Variants in ATAD3A observed in about 807,000 individuals in gnomAD.
ATAD3A encodes the protein ATPase family AAA domain-containing protein 3A.
Under a neutral mutation model 73.8 loss-of-function variants are expected in ATAD3A, and 46 were observed. The ratio of observed to expected loss-of-function variants is 0.62; its 90% CI spans 0.49 to 0.80. The LOEUF (loss-of-function observed/expected upper bound fraction) is 0.80, where lower values mean the gene tolerates loss of function less well. Among genes scored for constraint, ATAD3A ranks in the 30% least tolerant of loss-of-function variants. The pLI is 0.00. For missense variants in ATAD3A, 705 were observed against 838.0 expected, an observed-to-expected ratio of 0.84 and a Z score of 1.96; for synonymous variants, 319 against 350.0, an observed-to-expected ratio of 0.91 and a Z score of 0.99.
intron 14 of ATAD3A, 78 bp from the exon 15 acceptor site, chr1:1,529,145 G>C (rs1222248465): frequency 6.4e-7 from 1 of 1,571,680 alleles, no homozygotes; most frequent in African/African-American, 1.3e-5. Context: ...TGTCGGCCTC[G>C]CTGCCTGTCT....
rs1641568480 is a variant in ATAD3A at position 1,520,889 on chromosome 1, C to T, written c.750+272C>T. On this transcript the variant is annotated intron_variant, in intron 7 of 15. Transcript: ENST00000378756. This position sits in a 1 kb window ranked among gnomAD's most constrained non-coding sequence, Gnocchi z 4.0. ...GGTGTGGTGGCAGCCCCTGTGGTCC[C>T]ACTACTCAAGAGGCTGAGGTAGGAG... is the stretch of plus-strand genomic sequence containing the variant. Among the ~76,000 whole-genome samples, 1 of 152,052 alleles carries T rather than the reference C, an allele frequency of 6.6e-6. No individual in the cohort carries two copies. The highest frequency in any genetic ancestry group is 2.4e-5 in the African/African-American group (1 of 41,416).
intron 1 of ATAD3A, among the ~76,000 whole-genome samples, chr1:1,515,084 C>T (rs993988692): frequency 4.6e-5 from 7 of 151,964 alleles, no homozygotes; most frequent in African/African-American, 9.7e-5. Context: ...CATGTTGGCC[C>T]GGATGGAGAT....
intron 15 of ATAD3A, among the ~76,000 whole-genome samples, chr1:1,530,361 C>T (rs1641993274): frequency 6.6e-6 from 1 of 152,156 alleles, no homozygotes; most frequent in Non-Finnish European, 1.5e-5. Context: ...AGGCAAGACC[C>T]CATCTCTACA....
chr1:1,517,447 G>A (rs1240754152), intron 3 of ATAD3A, 35 bp downstream of exon 3: 13 of 1,458,086 alleles, frequency 8.9e-6, no homozygotes, highest in Admixed American at 2.2e-5. Flanking sequence ...GAGGCCGCCC[G>A]GCTGCGGGGA....
chr1:1,517,372 G>A lies in ATAD3A; in HGVS notation c.344G>A (p.Arg115Lys). Residue 115 changes from arginine to lysine, a missense_variant, in exon 3 of 16, where the codon AGG becomes AAG. Physicochemically the swap from Arg to Lys is conservative, Grantham distance 26 (BLOSUM62 2). Around this residue, in one of 5 missense-constraint regions of ATAD3A, gnomAD observed 125 missense variants for 170.6 expected, o/e 0.73. Coordinates refer to ENST00000378756, the MANE Select transcript of ATAD3A (RefSeq NM_001170535.3). ...CAGATCCGGGCGCAGGCTGAGGAGAGGAGGAAGACCCTGAGCGAGGAGACC... is the reference window on the plus strand; with the variant it reads ...CAGATCCGGGCGCAGGCTGAGGAGAAGAGGAAGACCCTGAGCGAGGAGACC... ...SEQIRAQAEE[R>K]RKTLSEETRQ... 4 of 1,534,250 alleles carry A rather than the reference G, an allele frequency of 2.6e-6. No individual in the cohort carries two copies. The highest frequency in any genetic ancestry group is 2.4e-5 in the South Asian group (2 of 82,422).
chr1:1,529,164 C>T (rs1284776996), intron 14 of ATAD3A, 59 bp from the exon 15 acceptor site: 2 of 1,591,298 alleles, frequency 1.3e-6, no homozygotes, highest in Admixed American at 1.8e-5. Context: ...CTTCCGGCCT[C>T]CACCTCGTGT....
chr1:1,527,576 C>A, intron 13 of ATAD3A, 119 bp from the exon 14 acceptor site: 1 of 1,330,860 alleles, frequency 7.5e-7, no homozygotes, highest in Non-Finnish European at 1.0e-6. Context: ...GGGCTGTGCC[C>A]GTGTCCTCGT....
chr1:1,528,137 A>G (rs1641915217), intron 14 of ATAD3A, among the ~76,000 whole-genome samples: 1 of 151,314 alleles, frequency 6.6e-6, no homozygotes, highest in Admixed American at 6.6e-5. Context: ...TTTTTTTTTA[A>G]TTTTTAGTAG....
intron 1 of ATAD3A, among the ~76,000 whole-genome samples, chr1:1,514,568 G>C (rs753207193): frequency 6.6e-6 from 1 of 152,204 alleles, no homozygotes; most frequent in African/African-American, 2.4e-5. Context: ...ATGCCCGTCA[G>C]CCCAGTTCGT....
Position 1,534,433 on chromosome 1 carries a change from T to A in ATAD3A, c.*361T>A. On this transcript the variant is annotated 3_prime_UTR_variant, in exon 16 of 16. Transcript: ENST00000378756. Reference sequence around the variant, plus strand: ...GGGGCAGCAGGAGCCAGGCAGGTGATGTCTTTGTTCTCGGCTCCCACAGCA... The same window carrying A: ...GGGGCAGCAGGAGCCAGGCAGGTGAAGTCTTTGTTCTCGGCTCCCACAGCA... 1 of 1,265,900 alleles carries A rather than the reference T, an allele frequency of 7.9e-7. No homozygotes were observed. The highest frequency in any genetic ancestry group is 1.0e-6 in the Non-Finnish European group (1 of 988,778). The allele number at this position is 1,265,900 out of a possible 1,614,324, so 78.4% of individuals were successfully genotyped here.
chr1:1,512,724 G>T, intron 1 of ATAD3A: 7 of 1,198,382 alleles, frequency 5.8e-6, no homozygotes, highest in Non-Finnish European at 7.5e-6. Flanking sequence ...GCGCTCATAG[G>T]TTACAGGGGT....
rs949137447 is a variant in ATAD3A, at chr1:1,518,239, GCACA to G, written c.444+475_444+478del. 1.9e-4 allele frequency among the ~76,000 whole-genome samples: 28 copies of G among 146,250 alleles called. No individual in the cohort carries two copies. In the East Asian group the frequency reaches 4.1e-3, roughly 21 times the overall value. ...ACAGACAGGTACGCACATACACCCC[GCACA>G]CACACACACAGATACGCACACACAC... On this transcript the variant is annotated intron_variant, in intron 4 of 15. Coordinates refer to ENST00000378756, the MANE Select transcript of ATAD3A (RefSeq NM_001170535.3).
rs1316121278 is a variant in ATAD3A at position 1,530,701 on chromosome 1, C to T, written c.1614+1370C>T. Among the ~76,000 whole-genome samples the T allele has an allele frequency of 4.1e-5, 5 of 120,890 alleles. 1 individual carries two copies. In the East Asian group the frequency reaches 7.6e-4, roughly 18 times the overall value. The allele number at this position is 120,890 out of a possible 152,430, so 79.3% of individuals were successfully genotyped here. On this transcript the variant is annotated intron_variant, in intron 15 of 15. Coordinates refer to ENST00000378756, the MANE Select transcript of ATAD3A (RefSeq NM_001170535.3). ...AAAATTAGCCGGGCGTAGTGGCGGG[C>T]GCCTGTAGTCCCAGCTACTTGGGAG...
chr1:1,524,989 G>A (rs1402159459), intron 11 of ATAD3A, among the ~76,000 whole-genome samples: 4 of 152,246 alleles, frequency 2.6e-5, no homozygotes, highest in South Asian at 2.1e-4. Flanking sequence ...TGGGGGTGAA[G>A]CCTGTGGGGC....
intron 7 of ATAD3A, among the ~76,000 whole-genome samples, chr1:1,521,125 G>A (rs1280140542): frequency 3.3e-5 from 5 of 151,266 alleles, no homozygotes; most frequent in African/African-American, 4.9e-5. Context: ...GTGAAACCCC[G>A]TCTCTACTAA....
At position 1,526,502 on chromosome 1, in the gene ATAD3A, C is replaced by T; in HGVS notation, c.1308C>T (p.Phe436=). 4 of 1,612,814 alleles carry T rather than the reference C, an allele frequency of 2.5e-6. No individual in the cohort carries two copies. The Admixed American group carries it at 5.0e-5, about 20-fold the overall frequency. Reference sequence around the variant, plus strand: ...ACCTCAGGGCCACACTGAACGCCTTCCTGTACCGCACGGGCCAGCACAGCA... The same window carrying T: ...ACCTCAGGGCCACACTGAACGCCTTTCTGTACCGCACGGGCCAGCACAGCA... ...SEDLRATLNA[F]LYRTGQHSNK... is the part of the protein sequence containing the mutation. The change falls in exon 13 of 16, where the codon TTC becomes TTT. Residue 436 remains phenylalanine, a synonymous_variant. Transcript: ENST00000378756.
chr1:1,521,847 A>C (rs1641612026), intron 7 of ATAD3A, among the ~76,000 whole-genome samples: 1 of 151,058 alleles, frequency 6.6e-6, no homozygotes, highest in South Asian at 2.1e-4. Flanking sequence ...TTACAGGCTC[A>C]CGTCACCACA....
intron 5 of ATAD3A, among the ~76,000 whole-genome samples, chr1:1,519,920 T>C (rs1293618451): frequency 6.6e-6 from 1 of 152,112 alleles, no homozygotes; most frequent in African/African-American, 2.4e-5. Context: ...CTTAGCCTAT[T>C]GGCGGCGTGG....
intron 2 of ATAD3A, chr1:1,516,945 C>T: frequency 1.4e-6 from 1 of 718,612 alleles, no homozygotes; most frequent in Non-Finnish European, 2.2e-6. Flanking sequence ...CTACTAACCT[C>T]AGTTGATCCA....
Sources: allele counts gnomAD v4.1 joint callset (sites outside exome capture counted in the v4.1 genomes callset), GRCh38; gene constraint gnomAD v4.1.1; regional missense constraint gnomAD v4.1.1; non-coding constraint Gnocchi (gnomAD v3.1); transcripts MANE v1.5; gene names NCBI Gene and HGNC (gene_info 2026-07-23, HGNC 2026-07-21).